The following TAS2R1 variants were observed in gnomAD, a reference collection of about 807,000 sequenced individuals.
The protein encoded by TAS2R1 is taste 2 receptor member 1.
For missense variants in TAS2R1, 370 were observed against 353.4 expected, an observed-to-expected ratio of 1.05 and a Z score of -0.38; for synonymous variants, 141 against 134.2, an observed-to-expected ratio of 1.05 and a Z score of -0.35.
the TAS2R1 span, among the ~76,000 whole-genome samples, chr5:9,761,203 A>T: frequency 6.6e-6 from 1 of 152,234 alleles, no homozygotes; most frequent in Non-Finnish European, 1.5e-5. Flanking sequence ...CCACTCTGAG[A>T]AGGTTGTGAC....
chr5:9,793,757 C>T, the TAS2R1 span, among the ~76,000 whole-genome samples: 191 of 152,234 alleles, frequency 1.3e-3, no homozygotes, highest in African/African-American at 4.5e-3. Context: ...TAGGCTGCTG[C>T]TTTTGAAAAG....
the TAS2R1 span, among the ~76,000 whole-genome samples, chr5:9,852,852 A>T: frequency 0.13 from 19,138 of 151,220 alleles, 1,281 homozygotes; most frequent in East Asian, 0.21. Context: ...GAAAAAAAAA[A>T]ATATATATAT....
intron 2 of TAS2R1, chr5:9,645,469 C>A (rs1202562039): frequency 6.6e-6 from 1 of 152,110 alleles, no homozygotes; most frequent in African/African-American, 2.4e-5. Flanking sequence ...TGGACAGCTG[C>A]CATTTACTGC....
At chr5:9,682,489 A>T (rs1489060085) in intron 1 of TAS2R1, among the ~76,000 whole-genome samples, 2 of 152,190 alleles carry the variant, frequency 1.3e-5, no homozygotes, top group Non-Finnish European at 2.9e-5. Context: ...TCATCTGCCA[A>T]ACTCACAGTC....
chr5:9,706,932 T>G (rs935103255), intron 1 of TAS2R1, among the ~76,000 whole-genome samples: 2 of 152,146 alleles, frequency 1.3e-5, no homozygotes, highest in South Asian at 4.1e-4. Context: ...AATGATGCGG[T>G]TTTTTTAAAA....
chr5:9,641,932 G>A (rs1740092906), intron 2 of TAS2R1: 1 of 152,142 alleles, frequency 6.6e-6, no homozygotes, highest in South Asian at 2.1e-4. Context: ...TGGAACAGAT[G>A]GGACAAGACC....
At chr5:9,869,262 G>A in the TAS2R1 span, among the ~76,000 whole-genome samples, 3 of 152,184 alleles carry the variant, frequency 2.0e-5, no homozygotes, top group Non-Finnish European at 4.4e-5. Flanking sequence ...CCAAGACTGG[G>A]TAATTTATAA....
intron 1 of TAS2R1, among the ~76,000 whole-genome samples, chr5:9,690,467 G>A (rs1741217469): frequency 6.6e-6 from 1 of 152,044 alleles, no homozygotes; most frequent in Admixed American, 6.6e-5. Flanking sequence ...GCCCTAACAT[G>A]CTTTTGCCTT....
intron 1 of TAS2R1, among the ~76,000 whole-genome samples, chr5:9,682,659 G>A (rs963213867): frequency 3.9e-5 from 6 of 152,118 alleles, no homozygotes; most frequent in Non-Finnish European, 5.9e-5. Flanking sequence ...ATTTCACAGG[G>A]CAGATCATGC....
the TAS2R1 span, among the ~76,000 whole-genome samples, chr5:9,872,029 T>TA: frequency 2.0e-5 from 3 of 152,184 alleles, no homozygotes; most frequent in African/African-American, 7.2e-5. Flanking sequence ...TATTACATAA[T>TA]AAAGTTATAT....
At chr5:9,819,034 G>A in the TAS2R1 span, among the ~76,000 whole-genome samples, 24 of 152,308 alleles carry the variant, frequency 1.6e-4, no homozygotes, top group African/African-American at 5.8e-4. Flanking sequence ...AACATCCCAA[G>A]TAAACTGAAA....
At chr5:9,836,921 A>G in the TAS2R1 span, among the ~76,000 whole-genome samples, 2 of 152,198 alleles carry the variant, frequency 1.3e-5, no homozygotes, top group African/African-American at 4.8e-5. Flanking sequence ...GAAATGTAAC[A>G]CTGAGTTGGT....
At chr5:9,705,867 C>CA (rs1554054733) in intron 1 of TAS2R1, among the ~76,000 whole-genome samples, 21 of 151,236 alleles carry the variant, frequency 1.4e-4, no homozygotes, top group Admixed American at 1.1e-3. Context: ...CATCCCCCCC[C>CA]AAAAAAAGAC....
At chr5:9,801,878 C>G in the TAS2R1 span, among the ~76,000 whole-genome samples, 1 of 152,182 alleles carries the variant, frequency 6.6e-6, no homozygotes, top group Admixed American at 6.5e-5. Flanking sequence ...CCACGGCAAG[C>G]CCTGCCTGGG....
At chr5:9,849,233 C>T in the TAS2R1 span, among the ~76,000 whole-genome samples, 3 of 152,192 alleles carry the variant, frequency 2.0e-5, no homozygotes, top group Non-Finnish European at 4.4e-5. Context: ...AAGTCTAACC[C>T]AGTGGGGCCA....
At chr5:9,762,471 G>C in the TAS2R1 span, among the ~76,000 whole-genome samples, 20 of 152,190 alleles carry the variant, frequency 1.3e-4, no homozygotes, top group African/African-American at 4.6e-4. Flanking sequence ...TGTATCACTG[G>C]TAATGTGTCT....
chr5:9,667,474 C>A (rs1740657776), intron 1 of TAS2R1, among the ~76,000 whole-genome samples: 1 of 152,196 alleles, frequency 6.6e-6, no homozygotes, highest in Non-Finnish European at 1.5e-5. Flanking sequence ...TGCCCAGTGG[C>A]CTCACTTTTG....
chr5:9,755,437 A>G, the TAS2R1 span, among the ~76,000 whole-genome samples: 1 of 151,996 alleles, frequency 6.6e-6, no homozygotes, highest in Non-Finnish European at 1.5e-5. Flanking sequence ...AATACAAAAA[A>G]TTAGCCAGGC....
chr5:9,648,219 T>G (rs1039890609), intron 2 of TAS2R1, among the ~76,000 whole-genome samples: 3 of 152,172 alleles, frequency 2.0e-5, no homozygotes, highest in Admixed American at 2.0e-4. Flanking sequence ...TTGTAATTAA[T>G]GCATTTCAGG....
Sources: allele counts gnomAD v4.1 joint callset (sites outside exome capture counted in the v4.1 genomes callset), GRCh38; gene constraint gnomAD v4.1.1; transcripts MANE v1.5; gene names NCBI Gene and HGNC (gene_info 2026-07-23, HGNC 2026-07-21).